Variants in PCDH15 observed in about 807,000 individuals in gnomAD.
The protein encoded by PCDH15 is protocadherin related 15.
In PCDH15, 129 loss-of-function variants were observed where a neutral mutation model predicts 178.5. The ratio of observed to expected loss-of-function variants is 0.72; its 90% CI spans 0.63 to 0.84. The LOEUF is 0.84. Among genes scored for constraint, PCDH15 ranks in the 40% least tolerant of loss-of-function variants. The probability of loss-of-function intolerance (pLI) is 0.00; values close to 1 mark genes in which losing one functional copy is unlikely to be tolerated. For missense variants in PCDH15, 2,230 were observed against 2,099.9 expected (o/e 1.06, Z -1.21); for synonymous variants, 800 against 732.0 (o/e 1.09, Z -1.50).
At chr10:54,336,522 T>C (rs1941182019) in intron 6 of PCDH15, among the ~76,000 whole-genome samples, 2 of 152,096 alleles carry the variant, frequency 1.3e-5, no homozygotes, top group African/African-American at 2.4e-5. Flanking sequence ...AGTGAAGACA[T>C]AGCTCAGGCT....
In PCDH15 at chr10:54,923,372, T is replaced by G. The variant is rs1837543684; in HGVS notation, c.-79-25872A>C. On this transcript the variant is annotated intron_variant, in intron 2 of 5. Transcript: ENST00000458638. The stretch of plus-strand genomic sequence containing the variant: ...AAACATTTTCCCTATTGTTTGGCTA[T>G]TAACTTTTGGCTCCACTTTGTTTAT... Among the ~76,000 whole-genome samples the G allele has an allele frequency of 1.4e-5, 2 of 139,106 alleles. 1 individual carries two copies. The highest frequency in any genetic ancestry group is 5.0e-5 in the African/African-American group (2 of 40,194). The allele number at this position is 139,106 out of a possible 152,430, so 91.3% of individuals were successfully genotyped here.
At position 54,717,778 on chromosome 10, in the gene PCDH15, C is replaced by T. The variant is rs544843251; in HGVS notation, c.-28-53488G>A. Among the ~76,000 whole-genome samples, 236 of 143,192 alleles carry T rather than the reference C, an allele frequency of 1.6e-3. 35 individuals are homozygous for T. Among genetic ancestry groups the T allele is most frequent in the African/African-American group, 5.9e-3 (220 of 37,422 alleles). 93.9% of individuals were successfully genotyped at this position (143,192 alleles called of 152,430 possible). On this transcript the variant is annotated intron_variant, in intron 1 of 37. Coordinates refer to ENST00000644397, the MANE Select transcript of PCDH15 (RefSeq NM_001384140.1). The stretch of plus-strand genomic sequence containing the variant: ...ATTACTGGGTATATACCCAAAGGAC[C>T]ATAAATCATGCTGCTATAAAGACAC...
Position 55,369,962 on chromosome 10 carries a change from A to G in PCDH15, c.-155-203311T>C, listed in dbSNP as rs73255758. 1.9e-3 allele frequency among the ~76,000 whole-genome samples: 289 copies of G among 152,242 alleles called. 1 individual carries two copies. Among genetic ancestry groups the G allele is most frequent in the African/African-American group, 6.6e-3 (274 of 41,570 alleles). ...GTCAAGTAATGGCAATAGCTTGAAA[A>G]AAAATCAGGGACCATCCATCAAATT... On this transcript the variant is annotated intron_variant, in intron 2 of 5. Coordinates refer to the PCDH15 transcript ENST00000613346.
chr10:55,481,926 G>A (rs185735740), intron 2 of PCDH15, among the ~76,000 whole-genome samples: 1 of 151,658 alleles, frequency 6.6e-6, no homozygotes, highest in Non-Finnish European at 1.5e-5. Flanking sequence ...ACTGTCAGTG[G>A]GGTGTTAAAT....
chr10:53,966,008 CA>C (rs1363018966), intron 21 of PCDH15, among the ~76,000 whole-genome samples: 2 of 16,456 alleles, frequency 1.2e-4, no homozygotes, highest in African/African-American at 3.2e-4. Context: ...ATGATTTTTA[CA>C]GATAAGATTG....
intron 1 of PCDH15, among the ~76,000 whole-genome samples, chr10:54,685,831 C>T (rs1241650067): frequency 6.6e-6 from 1 of 152,020 alleles, no homozygotes; most frequent in Non-Finnish European, 1.5e-5. Flanking sequence ...TAGTATGTGA[C>T]TGATTGAACT....
intron 2 of PCDH15, among the ~76,000 whole-genome samples, chr10:55,432,928 G>A (rs983637943): frequency 6.6e-5 from 10 of 152,098 alleles, no homozygotes; most frequent in African/African-American, 2.4e-4. Flanking sequence ...GGAGGCTGAG[G>A]CGGGAGAATG....
chr10:55,398,767 G>T (rs1565098076), intron 2 of PCDH15, among the ~76,000 whole-genome samples: 1 of 152,020 alleles, frequency 6.6e-6, no homozygotes, highest in Non-Finnish European at 1.5e-5. Context: ...AAGTATTGGG[G>T]TTTTTTAATG....
chr10:55,012,771 G>A (rs1451198249), intron 2 of PCDH15, among the ~76,000 whole-genome samples: 1 of 151,768 alleles, frequency 6.6e-6, no homozygotes, highest in African/African-American at 2.4e-5. Context: ...TTTAACATAT[G>A]TCAGGACAGT....
At chr10:55,065,515 G>T (rs1393545327) in intron 2 of PCDH15, among the ~76,000 whole-genome samples, 1 of 151,906 alleles carries the variant, frequency 6.6e-6, no homozygotes, top group Admixed American at 6.6e-5. Context: ...AACACATACT[G>T]TTGGCTTAAA....
chr10:54,267,282 A>G (rs2057754607), intron 8 of PCDH15, among the ~76,000 whole-genome samples: 1 of 151,914 alleles, frequency 6.6e-6, no homozygotes. Context: ...ATACTAAAAT[A>G]ATAAGAACCA....
intron 1 of PCDH15, among the ~76,000 whole-genome samples, chr10:55,285,518 C>T: frequency 6.6e-6 from 1 of 151,424 alleles, no homozygotes; most frequent in East Asian, 1.9e-4. Context: ...CTTAGTAAGT[C>T]CCCTTTTATT....
intron 2 of PCDH15, among the ~76,000 whole-genome samples, chr10:55,517,614 C>G (rs1841050023): frequency 6.6e-6 from 1 of 152,078 alleles, no homozygotes; most frequent in Non-Finnish European, 1.5e-5. Context: ...ACTAAACATG[C>G]AACTATCATG....
chr10:55,159,253 A>T (rs1838985783), intron 2 of PCDH15, among the ~76,000 whole-genome samples: 1 of 151,836 alleles, frequency 6.6e-6, no homozygotes, highest in Non-Finnish European at 1.5e-5. Context: ...ATATTTTGTC[A>T]CATCCTAGAC....
At chr10:55,517,776 C>T (rs1346190924) in intron 2 of PCDH15, among the ~76,000 whole-genome samples, 2 of 152,122 alleles carry the variant, frequency 1.3e-5, no homozygotes, top group Non-Finnish European at 2.9e-5. Flanking sequence ...ACAAGCTGTG[C>T]TACATCCCTA....
chr10:54,937,630 G>T (rs1267524391), intron 2 of PCDH15, among the ~76,000 whole-genome samples: 3 of 151,832 alleles, frequency 2.0e-5, no homozygotes, highest in Non-Finnish European at 4.4e-5. Flanking sequence ...AATCACTAAT[G>T]CATAGTAATA....
chr10:54,271,498 CCA>C (rs2132497493), intron 8 of PCDH15, among the ~76,000 whole-genome samples: 1 of 152,254 alleles, frequency 6.6e-6, no homozygotes, highest in South Asian at 2.1e-4. Flanking sequence ...CAGGCGTGAG[CCA>C]CTGTGCCTGG....
chr10:54,292,287 A>G (rs184894801), intron 8 of PCDH15, among the ~76,000 whole-genome samples: 1 of 152,014 alleles, frequency 6.6e-6, no homozygotes, highest in African/African-American at 2.4e-5. Context: ...CATGCTAAAA[A>G]CTCTCAATAA....
chr10:54,361,149 C>T (rs1456207308), intron 5 of PCDH15, among the ~76,000 whole-genome samples: 6 of 152,052 alleles, frequency 3.9e-5, no homozygotes, highest in African/African-American at 1.4e-4. Flanking sequence ...TCTGCACATA[C>T]TCAGGTCCCT....
Sources: allele counts gnomAD v4.1 joint callset (sites outside exome capture counted in the v4.1 genomes callset), GRCh38; gene constraint gnomAD v4.1.1; transcripts MANE v1.5; gene names NCBI Gene and HGNC (gene_info 2026-07-23, HGNC 2026-07-21).